RIPK2: variants seen among roughly 807,000 people sequenced by gnomAD.
The protein encoded by RIPK2 is receptor-interacting serine/threonine-protein kinase 2.
A neutral mutation model predicts 60.9 loss-of-function variants in RIPK2; 38 were observed. The ratio of observed to expected loss-of-function variants is 0.62; its 90% CI spans 0.48 to 0.82. RIPK2 has a LOEUF of 0.82. Ranked by LOEUF, RIPK2 falls within the 40% of genes least tolerant of loss-of-function variation. The pLI, the probability that RIPK2 is intolerant of heterozygous loss-of-function variation, is 0.00. For synonymous variants in RIPK2, 225 were observed against 223.4 expected (o/e 1.01, Z -0.06); for missense variants, 518 against 647.0 (o/e 0.80, Z 2.16).
At chr8:89,778,343 TTATC>T (rs1809436588) in intron 6 of RIPK2, among the ~76,000 whole-genome samples, 1 of 152,180 alleles carries the variant, frequency 6.6e-6, no homozygotes, top group Non-Finnish European at 1.5e-5. Context: ...ACCATAAAAT[TTATC>T]TATACATTCA....
At chr8:89,762,055 A>G (rs2130542980) in intron 1 of RIPK2, among the ~76,000 whole-genome samples, 1 of 152,160 alleles carries the variant, frequency 6.6e-6, no homozygotes. Context: ...GCACGGTTGC[A>G]TGCCTGTGGA....
chr8:89,779,430 T>G (rs1809460966), intron 6 of RIPK2, among the ~76,000 whole-genome samples: 1 of 148,506 alleles, frequency 6.7e-6, no homozygotes, highest in Non-Finnish European at 1.5e-5. Context: ...TTCTTCTGCC[T>G]CAGCCTCCCG....
intron 6 of RIPK2, among the ~76,000 whole-genome samples, chr8:89,779,841 T>TC (rs1266196324): frequency 6.6e-6 from 1 of 152,216 alleles, no homozygotes; most frequent in Non-Finnish European, 1.5e-5. Flanking sequence ...TGCTATCATT[T>TC]CCCCATTGAA....
At position 89,772,763 on chromosome 8, in the gene RIPK2, C is replaced by G. The variant is rs2230802; in HGVS notation, c.788C>G (p.Ala263Gly). 1 of 1,611,674 alleles carries G rather than the reference C, an allele frequency of 6.2e-7. No individual in the cohort carries two copies. The highest frequency in any genetic ancestry group is 1.1e-5 in the South Asian group (1 of 90,966). Residue 263 changes from alanine (A) to glycine (G), a missense_variant, in exon 6 of 11, where the codon GCA (alanine) becomes GGA (glycine). Ala to Gly is a moderately conservative substitution (Grantham distance 60, BLOSUM62 0). Coordinates refer to ENST00000220751, the MANE Select transcript of RIPK2 (RefSeq NM_003821.6). The part of the protein sequence containing the change: ...ESLPYDIPHR[A>G]RMISLIESGW... The stretch of plus-strand genomic sequence containing the variant: ...TTGCCATATGATATACCTCACCGAG[C>G]ACGTATGATCTCTCTAATAGAAAGT...
intron 9 of RIPK2, among the ~76,000 whole-genome samples, chr8:89,788,456 T>C (rs1809622417): frequency 6.6e-6 from 1 of 152,046 alleles, no homozygotes; most frequent in South Asian, 2.1e-4. Flanking sequence ...AAAGGGTTGA[T>C]GGCCAGAGGG....
intron 1 of RIPK2, among the ~76,000 whole-genome samples, chr8:89,760,948 A>G (rs1429118541): frequency 2.0e-5 from 3 of 152,174 alleles, no homozygotes; most frequent in East Asian, 3.8e-4. Flanking sequence ...ATATGGAACT[A>G]TTTCCATCTA....
At chr8:89,773,848 T>C (rs1220202327) in intron 6 of RIPK2, among the ~76,000 whole-genome samples, 1 of 152,132 alleles carries the variant, frequency 6.6e-6, no homozygotes, top group African/African-American at 2.4e-5. Flanking sequence ...CAAAAATAAA[T>C]AGGATTCATT....
At chr8:89,759,477 G>A (rs1240425141) in intron 1 of RIPK2, 1 of 441,264 alleles carries the variant, frequency 2.3e-6, no homozygotes, top group Admixed American at 2.4e-5. Flanking sequence ...AAATTCCTCA[G>A]CTTCCGCCCT....
At position 89,757,852 on chromosome 8, in the gene RIPK2, A is replaced by G; in HGVS notation, c.-209A>G. ...CTACGGCGTTGGCACCAGTCTCTAG[A>G]AAAGAAGTCAGCTCTGGTTCGGAGA... On this transcript the variant is annotated 5_prime_UTR_variant, in exon 1 of 11. Transcript: ENST00000220751. 2 of 1,327,586 alleles carry G rather than the reference A, an allele frequency of 1.5e-6. No individual in the cohort carries two copies. Among genetic ancestry groups the G allele is most frequent in the Non-Finnish European group, 1.9e-6 (2 of 1,039,242 alleles). The allele number at this position is 1,327,586 out of a possible 1,614,324, so 82.2% of individuals were successfully genotyped here.
chr8:89,777,918 A>G (rs1258811536), intron 6 of RIPK2, among the ~76,000 whole-genome samples: 1 of 152,158 alleles, frequency 6.6e-6, no homozygotes, highest in African/African-American at 2.4e-5. Context: ...AGGAAAGTTT[A>G]AGTGTATTCA....
intron 2 of RIPK2, 77 bp from the exon 3 acceptor site, chr8:89,765,264 A>C: frequency 1.0e-6 from 1 of 993,916 alleles, no homozygotes; most frequent in Non-Finnish European, 1.5e-6. Context: ...TCCTCATGGA[A>C]TATTTAACTT....
chr8:89,769,415 G>A (rs370975106), intron 3 of RIPK2, among the ~76,000 whole-genome samples: 22 of 151,924 alleles, frequency 1.4e-4, no homozygotes, highest in African/African-American at 5.3e-4. Context: ...GTGAGATGTA[G>A]GAAGCACATG....
At chr8:89,784,532 T>G (rs1331007126) in intron 8 of RIPK2, among the ~76,000 whole-genome samples, 1 of 152,232 alleles carries the variant, frequency 6.6e-6, no homozygotes, top group Non-Finnish European at 1.5e-5. Context: ...AAGAAAGATC[T>G]CTTTAGTAGC....
chr8:89,779,862 A>G (rs1209538515), intron 6 of RIPK2, among the ~76,000 whole-genome samples: 2 of 152,224 alleles, frequency 1.3e-5, no homozygotes, highest in African/African-American at 4.8e-5. Context: ...TTGGCTTAGC[A>G]CATTTGTCCA....
Position 89,757,902 on chromosome 8 carries a change from G to C in RIPK2, c.-159G>C, listed in dbSNP as rs200267950. The C allele has an allele frequency of 1.8e-5, 25 of 1,382,040 alleles. No homozygotes were observed. Among genetic ancestry groups the C allele is most frequent in the Admixed American group, 3.3e-5 (1 of 30,720 alleles). 85.6% of individuals were successfully genotyped at this position (1,382,040 alleles called of 1,614,324 possible). A position where few individuals can be genotyped will look rare whatever the true frequency, so the allele number is the denominator to read the frequency against. ...AAGCAGCGGCTGGCGTGGGCCATCCGGGGAATGGGCGCCCTCGTGACCTAG... is the reference window on the plus strand; with the variant it reads ...AAGCAGCGGCTGGCGTGGGCCATCCCGGGAATGGGCGCCCTCGTGACCTAG... On this transcript the variant is annotated 5_prime_UTR_variant, in exon 1 of 11. Coordinates refer to ENST00000220751, the MANE Select transcript of RIPK2 (RefSeq NM_003821.6).
Sources: allele counts gnomAD v4.1 joint callset (sites outside exome capture counted in the v4.1 genomes callset), GRCh38; gene constraint gnomAD v4.1.1; transcripts MANE v1.5; gene names NCBI Gene and HGNC (gene_info 2026-07-23, HGNC 2026-07-21).